Variants in XPO4 observed in about 807,000 individuals in gnomAD.
XPO4 encodes the protein exportin 4, also known as exportin-4.
A neutral mutation model predicts 143.0 loss-of-function variants in XPO4; 39 were observed. The ratio of observed to expected loss-of-function variants is 0.27; its 90% CI spans 0.21 to 0.36. The LOEUF (loss-of-function observed/expected upper bound fraction) is 0.36, where lower values mean the gene tolerates loss of function less well. XPO4 is among the 10% of genes least tolerant of loss of function. XPO4 has a pLI of 1.00. For synonymous variants in XPO4, 439 were observed against 474.0 expected, an observed-to-expected ratio of 0.93 and a Z score of 0.96; for missense variants, 907 against 1,348.0, an observed-to-expected ratio of 0.67 and a Z score of 5.12.
At chr13:20,802,732 G>A (rs543050208) in intron 13 of XPO4, among the ~76,000 whole-genome samples, 2 of 151,902 alleles carry the variant, frequency 1.3e-5, no homozygotes, top group South Asian at 4.2e-4. Context: ...TTATGTTCCA[G>A]TATTTTGTTC....
chr13:20,891,545 T>C (rs2060516402), intron 1 of XPO4, among the ~76,000 whole-genome samples: 4 of 152,102 alleles, frequency 2.6e-5, no homozygotes, highest in Admixed American at 2.6e-4. Context: ...GTAGTGGTTA[T>C]TATTTCTCTA....
chr13:20,880,202 G>A (rs1295554077), intron 1 of XPO4, among the ~76,000 whole-genome samples: 2 of 152,188 alleles, frequency 1.3e-5, no homozygotes, highest in Non-Finnish European at 2.9e-5. Context: ...GGGAGGCAAA[G>A]GCAGGTGGAT....
intron 4 of XPO4, chr13:20,850,889 G>A (rs2060078262): frequency 1.0e-6 from 1 of 985,166 alleles, no homozygotes; most frequent in South Asian, 4.7e-5. Context: ...GGTGTGAGGG[G>A]AAAATTAGTT....
chr13:20,872,118 G>A (rs1422268156), intron 1 of XPO4, among the ~76,000 whole-genome samples: 1 of 152,108 alleles, frequency 6.6e-6, no homozygotes, highest in Admixed American at 6.5e-5. Flanking sequence ...AACCCCAAAA[G>A]ATTCAACAGG....
intron 3 of XPO4, among the ~76,000 whole-genome samples, chr13:20,861,917 T>A (rs1053696201): frequency 1.3e-5 from 2 of 151,392 alleles, no homozygotes; most frequent in African/African-American, 4.9e-5. Flanking sequence ...GACTCCCGAG[T>A]AGCTGGGACT....
At chr13:20,891,659 T>G (rs1293034363) in intron 1 of XPO4, among the ~76,000 whole-genome samples, 1 of 151,930 alleles carries the variant, frequency 6.6e-6, no homozygotes, top group African/African-American at 2.4e-5. Flanking sequence ...GCTCAGGAGT[T>G]CAAGACCAGC....
At chr13:20,820,364 G>A (rs1190064274) in intron 9 of XPO4, among the ~76,000 whole-genome samples, 4 of 152,150 alleles carry the variant, frequency 2.6e-5, no homozygotes, top group South Asian at 2.1e-4. Context: ...TCTTTAAAAC[G>A]TTTAGGAACA....
intron 1 of XPO4, among the ~76,000 whole-genome samples, chr13:20,894,328 CACTCA>C (rs1023758535): frequency 6.6e-6 from 1 of 152,136 alleles, no homozygotes; most frequent in African/African-American, 2.4e-5. Context: ...AGCTCTTTCT[CACTCA>C]AAAGACATTT....
intron 1 of XPO4, among the ~76,000 whole-genome samples, chr13:20,889,782 T>C (rs537111452): frequency 6.7e-6 from 1 of 149,670 alleles, no homozygotes; most frequent in East Asian, 1.9e-4. Context: ...TTCTTTCATC[T>C]TCTTTGATTT....
chr13:20,798,687 G>A (rs1207166743), intron 16 of XPO4, among the ~76,000 whole-genome samples: 1 of 152,190 alleles, frequency 6.6e-6, no homozygotes, highest in East Asian at 1.9e-4. Flanking sequence ...AAAATAAGAA[G>A]CTTCAACCCA....
chr13:20,845,392 T>C (rs1039063396), intron 4 of XPO4, among the ~76,000 whole-genome samples: 3 of 152,232 alleles, frequency 2.0e-5, no homozygotes, highest in Admixed American at 2.0e-4. Flanking sequence ...CTCTGAATGT[T>C]ACTGGTTTGG....
chr13:20,888,250 T>C (rs1488074096), intron 1 of XPO4, among the ~76,000 whole-genome samples: 1 of 151,372 alleles, frequency 6.6e-6, no homozygotes, highest in African/African-American at 2.4e-5. Context: ...AGGCAATAAC[T>C]AAATAAATCA....
intron 3 of XPO4, among the ~76,000 whole-genome samples, chr13:20,861,151 T>G (rs1170812303): frequency 2.0e-5 from 3 of 152,140 alleles, no homozygotes; most frequent in Admixed American, 1.3e-4. Flanking sequence ...TTAATGACTT[T>G]GGAAATGAAC....
At chr13:20,873,038 A>T (rs2060315731) in intron 1 of XPO4, among the ~76,000 whole-genome samples, 1 of 151,768 alleles carries the variant, frequency 6.6e-6, no homozygotes, top group South Asian at 2.1e-4. Context: ...GAATCCCATA[A>T]ATCAGAAGGA....
rs765450145 is a variant in XPO4, at chr13:20,807,503, T to C, written c.1771A>G (p.Lys591Glu). Residue 591 changes from lysine (K) to glutamate (E), a missense_variant, in exon 13 of 23, where the codon AAG becomes GAG. Transcript: ENST00000255305. ...TLQILGSPGE[K>E]ASSIPGYNRT... ...TTGTACCCTGGGATGGAAGAAGCCT[T>C]TTCTCCTGGAGATCCCAAAATTTGA... The C allele has an allele frequency of 1.4e-5, 23 of 1,613,718 alleles. No homozygotes were observed. The highest frequency in any genetic ancestry group is 1.9e-5 in the Non-Finnish European group (23 of 1,179,886).
intron 4 of XPO4, among the ~76,000 whole-genome samples, chr13:20,844,241 T>C (rs1566602074): frequency 6.6e-6 from 1 of 152,198 alleles, no homozygotes; most frequent in African/African-American, 2.4e-5. Flanking sequence ...ACCTATATCC[T>C]CATTTTACAT....
chr13:20,866,157 G>C, intron 2 of XPO4: 1 of 985,296 alleles, frequency 1.0e-6, no homozygotes. Context: ...AAATTACTAA[G>C]TGCCAAAGAC....
At chr13:20,817,342 AT>A (rs1260662600) in intron 9 of XPO4, among the ~76,000 whole-genome samples, 1 of 152,228 alleles carries the variant, frequency 6.6e-6, no homozygotes, top group East Asian at 1.9e-4. Context: ...TGACCTCTAA[AT>A]ACACTCACTC....
At chr13:20,840,141 C>T (rs1295227040) in intron 6 of XPO4, among the ~76,000 whole-genome samples, 1 of 152,106 alleles carries the variant, frequency 6.6e-6, no homozygotes, top group Non-Finnish European at 1.5e-5. Flanking sequence ...ATATTTAACA[C>T]TAAATACACA....
Sources: allele counts gnomAD v4.1 joint callset (sites outside exome capture counted in the v4.1 genomes callset), GRCh38; gene constraint gnomAD v4.1.1; transcripts MANE v1.5; gene names NCBI Gene and HGNC (gene_info 2026-07-23, HGNC 2026-07-21).